The following KIAA1549 variants were observed in gnomAD, a reference collection of about 807,000 sequenced individuals.
KIAA1549 encodes the protein KIAA1549.
A neutral mutation model predicts 156.4 loss-of-function variants in KIAA1549; 70 were observed. The ratio of observed to expected loss-of-function variants is 0.45; its 90% CI spans 0.37 to 0.55. The LOEUF (loss-of-function observed/expected upper bound fraction) is 0.55, where lower values mean the gene tolerates loss of function less well. Ranked by LOEUF, KIAA1549 falls within the 20% of genes least tolerant of loss-of-function variation. The pLI, the probability that KIAA1549 is intolerant of heterozygous loss-of-function variation, is 0.00. For synonymous variants in KIAA1549, 1,103 were observed against 1,066.4 expected (o/e 1.03, Z -0.67); for missense variants, 2,428 against 2,540.9 (o/e 0.96, Z 0.96).
Position 138,905,091 on chromosome 7 carries a change from G to A in KIAA1549, c.3461-10C>T, listed in dbSNP as rs548179945. Reference sequence around the variant, plus strand: ...TGTGGATACTGGAAGGCTACAAAAGGGAAAGAATTAGGGAAGGAGAAAAAT... The same window carrying A: ...TGTGGATACTGGAAGGCTACAAAAGAGAAAGAATTAGGGAAGGAGAAAAAT... On this transcript the variant is annotated splice_polypyrimidine_tract_variant and intron_variant, in intron 6 of 19. Transcript: ENST00000422774. 6.4e-7 allele frequency: 1 copy of A among 1,558,956 alleles called. No homozygotes were observed. The highest frequency in any genetic ancestry group is 1.4e-5 in the African/African-American group (1 of 73,740).
intron 2 of KIAA1549, among the ~76,000 whole-genome samples, chr7:138,913,609 C>T (rs2130470534): frequency 6.6e-6 from 1 of 152,214 alleles, no homozygotes; most frequent in Admixed American, 6.5e-5. Context: ...ATTCTTCATT[C>T]TTTAAAACAA....
intron 1 of KIAA1549, among the ~76,000 whole-genome samples, chr7:138,928,197 A>G (rs1812777275): frequency 6.6e-6 from 1 of 152,140 alleles, no homozygotes; most frequent in South Asian, 2.1e-4. Flanking sequence ...CTGGGATTAT[A>G]GGCGTGAGCC....
At chr7:138,864,446 C>T (rs949500829) in intron 15 of KIAA1549, among the ~76,000 whole-genome samples, 1 of 152,184 alleles carries the variant, frequency 6.6e-6, no homozygotes, top group African/African-American at 2.4e-5. Context: ...CTGTCCTTCA[C>T]CTTCTTGTTT....
chr7:138,958,804 A>G (rs1813749752), intron 1 of KIAA1549, among the ~76,000 whole-genome samples: 1 of 152,246 alleles, frequency 6.6e-6, no homozygotes, highest in Non-Finnish European at 1.5e-5. Flanking sequence ...AGTATGATTC[A>G]GAAGTTGTTC....
At chr7:138,931,271 C>T (rs975949456) in intron 1 of KIAA1549, among the ~76,000 whole-genome samples, 13 of 152,128 alleles carry the variant, frequency 8.5e-5, no homozygotes, top group African/African-American at 3.1e-4. Context: ...CACAAAGTGT[C>T]GACAGACTTA....
chr7:138,936,350 G>A (rs964952366), intron 1 of KIAA1549, among the ~76,000 whole-genome samples: 3 of 152,130 alleles, frequency 2.0e-5, no homozygotes, highest in African/African-American at 7.2e-5. Flanking sequence ...TTAATAGCTC[G>A]TGCCTGTAAG....
intron 1 of KIAA1549, among the ~76,000 whole-genome samples, chr7:138,958,150 A>G (rs1332290754): frequency 6.6e-6 from 1 of 152,134 alleles, no homozygotes; most frequent in Non-Finnish European, 1.5e-5. Flanking sequence ...CTGTGTGTGT[A>G]TGCTGAGCAT....
Position 138,911,153 on chromosome 7 carries a change from A to G in KIAA1549, c.3138T>C (p.Val1046=). 6.3e-7 allele frequency: 1 copy of G among 1,585,052 alleles called. No individual in the cohort carries two copies. The highest frequency in any genetic ancestry group is 8.6e-7 in the Non-Finnish European group (1 of 1,166,840). The part of the protein sequence containing the change: ...SFLVPESRFQ[V]QTVLQFVPPS... The stretch of plus-strand genomic sequence containing the variant: ...TATGCTGAGCTGTCTCACCTGTTTG[A>G]ACTTGGAACCTGGACTCTGGCACAA... Residue 1046 remains valine (V), a synonymous_variant, in exon 4 of 20, where the codon GTT becomes GTC. Coordinates refer to ENST00000422774, the MANE Select transcript of KIAA1549 (RefSeq NM_001164665.2).
chr7:138,924,443 T>A (rs949769146), intron 1 of KIAA1549, among the ~76,000 whole-genome samples: 1 of 152,188 alleles, frequency 6.6e-6, no homozygotes, highest in African/African-American at 2.4e-5. Context: ...ACCGGAAGAC[T>A]GCAAGAGATA....
intron 1 of KIAA1549, among the ~76,000 whole-genome samples, chr7:138,959,532 T>C (rs899682132): frequency 6.6e-6 from 1 of 152,256 alleles, no homozygotes; most frequent in Non-Finnish European, 1.5e-5. Flanking sequence ...ATTTTACGAA[T>C]GGAGAAAAAT....
rs532759133 is a variant in KIAA1549 at position 138,918,419 on chromosome 7, C to T, written c.1207G>A (p.Val403Met). The T allele has an allele frequency of 1.2e-6, 2 of 1,613,966 alleles. No homozygotes were observed. The highest frequency in any genetic ancestry group is 3.3e-5 in the Admixed American group (2 of 60,020). ...GGGCTCAGGATATGAGTGTTGTCCA[C>T]AGGACCGGGGAGGGCTGAATTGCTA... ...LHSNSALPGP[V>M]DNTHILSPVS... The change falls in exon 2 of 20, where the codon GTG (valine) becomes ATG (methionine). Residue 403 changes from valine (V) to methionine (M), a missense_variant. Physicochemically the swap from Val to Met is conservative, Grantham distance 21 (BLOSUM62 1). Transcript: ENST00000422774. The surrounding 1 kb of genome is among the most constrained non-coding windows in gnomAD (Gnocchi z 4.2).
chr7:138,966,478 G>C (rs1477315528), intron 1 of KIAA1549, among the ~76,000 whole-genome samples: 1 of 152,094 alleles, frequency 6.6e-6, no homozygotes, highest in Non-Finnish European at 1.5e-5. Context: ...ACTACAAGCT[G>C]AGGAGTAAGG....
intron 10 of KIAA1549, among the ~76,000 whole-genome samples, chr7:138,890,057 C>T (rs1024398179): frequency 2.6e-5 from 4 of 152,000 alleles, no homozygotes; most frequent in Admixed American, 6.6e-5. Context: ...ATATTAGGAC[C>T]GAGTTATTTC....
At chr7:138,889,315 C>T (rs985263826) in intron 10 of KIAA1549, among the ~76,000 whole-genome samples, 4 of 152,134 alleles carry the variant, frequency 2.6e-5, no homozygotes, top group Non-Finnish European at 4.4e-5. Context: ...TCTTCCCTCA[C>T]GTACACTCAG....
rs757881671 is a variant in KIAA1549, at chr7:138,840,181, C to T, written c.5550G>A (p.Gly1850=). The T allele has an allele frequency of 5.8e-6, 9 of 1,561,622 alleles. No homozygotes were observed. The Admixed American group carries it at 1.2e-4, about 20-fold the overall frequency. ...IPPSRGSQYG[G]PGWPSYGEDE... is the part of the protein sequence containing the mutation. ...CCTCCCCGTACGAAGGCCAGCCTGG[C>T]CCCCCATACTGGCTGCCTCTGCTTG... Residue 1850 remains glycine (G), a synonymous_variant, in exon 19 of 20, where the codon GGG becomes GGA. Transcript: ENST00000422774.
chr7:138,920,466 G>GATGAATGA (rs71169064), intron 1 of KIAA1549, among the ~76,000 whole-genome samples: 10,745 of 151,640 alleles, frequency 0.071, 406 homozygotes, highest in East Asian at 0.097. Flanking sequence ...CACTTGGATT[G>GATGAATGA]ATGAATGAAT....
At chr7:138,968,682 C>A (rs1161136950) in intron 1 of KIAA1549, among the ~76,000 whole-genome samples, 5 of 150,206 alleles carry the variant, frequency 3.3e-5, no homozygotes, top group Non-Finnish European at 7.4e-5. Flanking sequence ...CCCGTCTCTA[C>A]TAAAAATACA....
At chr7:138,882,102 T>C (rs1179630341) in intron 10 of KIAA1549, among the ~76,000 whole-genome samples, 1 of 152,220 alleles carries the variant, frequency 6.6e-6, no homozygotes, top group Non-Finnish European at 1.5e-5. Context: ...CTTCTGGAGC[T>C]GGCCCTCTGG....
chr7:138,965,612 T>G (rs1028463096), intron 1 of KIAA1549, among the ~76,000 whole-genome samples: 1 of 151,798 alleles, frequency 6.6e-6, no homozygotes, highest in Non-Finnish European at 1.5e-5. Context: ...CTGTATTTCC[T>G]GACAACTAAA....
Sources: gnomAD v4.1 joint callset for allele counts (sites outside exome capture counted in the v4.1 genomes callset) on GRCh38, gnomAD v4.1.1 for gene constraint, Gnocchi (gnomAD v3.1) non-coding constraint, MANE v1.5 for transcripts, NCBI Gene and HGNC (gene_info 2026-07-23, HGNC 2026-07-21) for gene names.